UGT1A9: variants seen among roughly 807,000 people sequenced by gnomAD.
UGT1A9 encodes UDP glucuronosyltransferase family 1 member A9.
A neutral mutation model predicts 45.0 loss-of-function variants in UGT1A9; 35 were observed. The ratio of observed to expected loss-of-function variants is 0.78; its 90% confidence interval spans 0.59 to 1.03. The LOEUF (loss-of-function observed/expected upper bound fraction) is 1.03. Among genes scored for constraint, UGT1A9 ranks in the 50% least tolerant of loss-of-function variants. The pLI is 0.00. For synonymous variants in UGT1A9, 278 were observed against 250.6 expected (o/e 1.11, Z -1.03); for missense variants, 687 against 666.6 (o/e 1.03, Z -0.34).
intron 1 of UGT1A9, chr2:233,691,878 T>C (rs1461599790): frequency 6.4e-6 from 1 of 155,758 alleles, no homozygotes; most frequent in Non-Finnish European, 1.4e-5. Context: ...TATATGTTTG[T>C]CTTTGTTTCC....
intron 1 of UGT1A9, chr2:233,755,263 C>T: frequency 1.2e-6 from 1 of 800,084 alleles, no homozygotes; most frequent in South Asian, 1.5e-5. Context: ...TCGTAGTAGT[C>T]CACTATGCTG....
chr2:233,755,084 G>T (rs779610585), intron 1 of UGT1A9: 29 of 1,335,184 alleles, frequency 2.2e-5, no homozygotes, highest in Non-Finnish European at 2.9e-5. Context: ...CATAGATATC[G>T]CGTTTCTACG....
At chr2:233,762,469 A>G (rs1394204644) in intron 1 of UGT1A9, among the ~76,000 whole-genome samples, 1 of 152,192 alleles carries the variant, frequency 6.6e-6, no homozygotes, top group African/African-American at 2.4e-5. Context: ...AATGTCATGG[A>G]TATCACTCCA....
chr2:233,712,155 C>G (rs1431486401), intron 1 of UGT1A9, among the ~76,000 whole-genome samples: 1 of 152,220 alleles, frequency 6.6e-6, no homozygotes, highest in Non-Finnish European at 1.5e-5. Context: ...AAGAGGAATT[C>G]AGACTGTGCA....
At chr2:233,771,266 TTTTC>T (rs1700270540) in intron 4 of UGT1A9, 1 of 152,178 alleles carries the variant, frequency 6.6e-6, no homozygotes, top group Non-Finnish European at 1.5e-5. Context: ...GTGCCTTTTT[TTTTC>T]TTTCTTCTCC....
intron 1 of UGT1A9, among the ~76,000 whole-genome samples, chr2:233,739,507 G>A (rs1269718044): frequency 2.0e-5 from 3 of 152,272 alleles, no homozygotes; most frequent in African/African-American, 7.2e-5. Flanking sequence ...TGATCTAGAT[G>A]TGAGACATGA....
At chr2:233,739,325 C>T (rs894619424) in intron 1 of UGT1A9, among the ~76,000 whole-genome samples, 5 of 152,154 alleles carry the variant, frequency 3.3e-5, no homozygotes, top group African/African-American at 1.2e-4. Flanking sequence ...GAGAAGAAGG[C>T]CACAGTCCTT....
Position 233,724,632 on chromosome 2 carries a change from A to G in UGT1A9, c.856-42402A>G, listed in dbSNP as rs1200392360. On this transcript the variant is annotated intron_variant, in intron 1 of 4. Transcript: ENST00000354728. ...CGGGCAGAGACGCTCCTCACTTCCT[A>G]GATGTGATGGCGGCTGGGAAGAGGC... Among the ~76,000 whole-genome samples, 15 of 136,662 alleles carry G rather than the reference A, an allele frequency of 1.1e-4. 1 individual carries two copies. Among genetic ancestry groups the G allele is most frequent in the Non-Finnish European group, 2.0e-4 (13 of 64,126 alleles). 89.7% of individuals were successfully genotyped at this position (136,662 alleles called of 152,430 possible).
Position 233,768,357 on chromosome 2 carries a change from G to A in UGT1A9, c.1213G>A (p.Gly405Arg). Residue 405 changes from glycine (G) to arginine (R), a missense_variant, in exon 4 of 5, where the codon GGA becomes AGA. By Grantham distance (125) the Gly-to-Arg change is moderately radical. Transcript: ENST00000354728. ...CAATGCAAAGCGCATGGAGACTAAG[G>A]GAGCTGGAGTGACCCTGAATGTTCT... ...MDNAKRMETK[G>R]AGVTLNVLEM... 6 of 1,614,142 alleles carry A rather than the reference G, an allele frequency of 3.7e-6. No homozygotes were observed. The highest frequency in any genetic ancestry group is 5.1e-6 in the Non-Finnish European group (6 of 1,180,032).
At chr2:233,696,906 G>A (rs1231812391) in intron 1 of UGT1A9, among the ~76,000 whole-genome samples, 2 of 152,082 alleles carry the variant, frequency 1.3e-5, no homozygotes, top group African/African-American at 2.4e-5. Flanking sequence ...TTCTGTCAAT[G>A]TATTCATATC....
rs569277751 is a variant in UGT1A9 at position 233,714,539 on chromosome 2, G to A, written c.855+41750G>A. ...TAGGTTAACTTCATGGTCTAATACC[G>A]AAGTGTCCAATAGAAATATCATGTA... On this transcript the variant is annotated intron_variant, in intron 1 of 4. Transcript: ENST00000354728. Among the ~76,000 whole-genome samples the A allele has an allele frequency of 4.3e-4, 65 of 152,304 alleles. 2 individuals are homozygous for A. The South Asian group carries it at 7.5e-3, about 18-fold the overall frequency.
At chr2:233,726,020 T>C (rs1287334417) in intron 1 of UGT1A9, among the ~76,000 whole-genome samples, 1 of 152,052 alleles carries the variant, frequency 6.6e-6, no homozygotes, top group African/African-American at 2.4e-5. Context: ...CAAAAAATTA[T>C]CCAGGTGTGA....
At chr2:233,704,891 T>C (rs2075812079) in intron 1 of UGT1A9, among the ~76,000 whole-genome samples, 2 of 152,120 alleles carry the variant, frequency 1.3e-5, no homozygotes. Flanking sequence ...CCCAGCACTT[T>C]GGAAGGCTGA....
At chr2:233,718,680 G>C in intron 1 of UGT1A9, 1 of 1,570,166 alleles carries the variant, frequency 6.4e-7, no homozygotes, top group South Asian at 1.2e-5. Flanking sequence ...TGGGTAATAA[G>C]TAACTGGAGG....
intron 4 of UGT1A9, chr2:233,771,511 A>G (rs1282263981): frequency 1.3e-5 from 2 of 152,328 alleles, no homozygotes; most frequent in Non-Finnish European, 2.9e-5. Context: ...ACTGAATTAC[A>G]AATATATCAT....
chr2:233,687,987 G>T (rs1377329144), intron 1 of UGT1A9, among the ~76,000 whole-genome samples: 1 of 152,150 alleles, frequency 6.6e-6, no homozygotes, highest in Non-Finnish European at 1.5e-5. Flanking sequence ...AAATTCAGTG[G>T]TTTTCTGTGT....
At chr2:233,737,930 G>C (rs867585936) in intron 1 of UGT1A9, among the ~76,000 whole-genome samples, 3 of 152,128 alleles carry the variant, frequency 2.0e-5, no homozygotes, top group African/African-American at 7.2e-5. Flanking sequence ...ATTTAGTAGT[G>C]AGTCCATTGA....
rs1378719949 is a variant in UGT1A9, at chr2:233,755,434, G to A, written c.856-11600G>A. 1.3e-5 allele frequency: 4 copies of A among 316,454 alleles called. No homozygotes were observed. In the East Asian group the frequency reaches 3.3e-4, roughly 26 times the overall value. The allele number at this position is 316,454 out of a possible 1,614,324, so 19.6% of individuals were successfully genotyped here. A position where few individuals can be genotyped will look rare whatever the true frequency, so the allele number is the denominator to read the frequency against. ...GGCCTGTGAGCGCCTCGCATCCCAA[G>A]ATGCAGTGCTCCTGGGACTGGCCCT... On this transcript the variant is annotated intron_variant, in intron 1 of 4. Coordinates refer to ENST00000354728, the MANE Select transcript of UGT1A9 (RefSeq NM_021027.3).
intron 1 of UGT1A9, among the ~76,000 whole-genome samples, chr2:233,715,287 A>G (rs1325168484): frequency 6.6e-6 from 1 of 152,128 alleles, no homozygotes; most frequent in East Asian, 1.9e-4. Context: ...CTCCAGTTAT[A>G]TTTTGGCTCT....
Sources: gnomAD v4.1 joint callset for allele counts (sites outside exome capture counted in the v4.1 genomes callset) on GRCh38, gnomAD v4.1.1 for gene constraint, MANE v1.5 for transcripts, NCBI Gene and HGNC (gene_info 2026-07-23, HGNC 2026-07-21) for gene names.